CCDC63: variants seen among roughly 807,000 people sequenced by gnomAD.
CCDC63 encodes coiled-coil domain containing 63.
In CCDC63, 54 loss-of-function variants were observed where a neutral mutation model predicts 63.6. That is an observed-to-expected ratio of 0.85 (90% CI 0.68 to 1.07). CCDC63 has a LOEUF of 1.07. Among genes scored for constraint, CCDC63 ranks in the 50% least tolerant of loss-of-function variants. The pLI is 0.00. For missense variants in CCDC63, 637 were observed against 689.6 expected, an observed-to-expected ratio of 0.92 and a Z score of 0.86; for synonymous variants, 253 against 266.1, an observed-to-expected ratio of 0.95 and a Z score of 0.48.
chr12:110,864,146 A>G (rs1026426853), intron 4 of CCDC63, among the ~76,000 whole-genome samples: 4 of 152,268 alleles, frequency 2.6e-5, no homozygotes, highest in African/African-American at 9.6e-5. Flanking sequence ...CTTTGAGTAG[A>G]CCAGGGGTAG....
intron 4 of CCDC63, 133 bp downstream of exon 4, chr12:110,858,908 G>A (rs997764872): frequency 1.4e-6 from 1 of 695,064 alleles, no homozygotes; most frequent in Non-Finnish European, 2.4e-6. Context: ...CCCGCTAAAT[G>A]TGACTGCTGC....
intron 10 of CCDC63, among the ~76,000 whole-genome samples, chr12:110,903,466 T>C (rs552985778): frequency 2.5e-4 from 38 of 152,386 alleles, no homozygotes; most frequent in African/African-American, 9.1e-4. Context: ...ATTGTTGAAC[T>C]TGGCTTTCTT....
intron 8 of CCDC63, among the ~76,000 whole-genome samples, chr12:110,887,751 A>C (rs2071303301): frequency 6.6e-6 from 1 of 151,852 alleles, no homozygotes; most frequent in South Asian, 2.1e-4. Flanking sequence ...GGCGCGCGCC[A>C]CCACGCCCAG....
chr12:110,905,606 A>G (rs1253112995), intron 11 of CCDC63, among the ~76,000 whole-genome samples: 3 of 151,802 alleles, frequency 2.0e-5, no homozygotes, highest in Non-Finnish European at 4.4e-5. Context: ...GGTCCAGCTC[A>G]TCCACCCATG....
chr12:110,894,594 C>A (rs1223340951), intron 9 of CCDC63, among the ~76,000 whole-genome samples: 1 of 152,136 alleles, frequency 6.6e-6, no homozygotes, highest in African/African-American at 2.4e-5. Flanking sequence ...GTGCTCAGAG[C>A]GGCATCTCCC....
At chr12:110,881,089 T>A in intron 6 of CCDC63, 26 bp from the exon 7 acceptor site, 1 of 1,572,098 alleles carries the variant, frequency 6.4e-7, no homozygotes, top group Non-Finnish European at 8.6e-7. Context: ...CCTCAGATGC[T>A]CAGGCTCTGT....
intron 4 of CCDC63, among the ~76,000 whole-genome samples, chr12:110,862,373 C>A (rs2070866452): frequency 2.0e-5 from 3 of 152,196 alleles, no homozygotes; most frequent in African/African-American, 7.2e-5. Context: ...GAGGTGGGGA[C>A]CTCCCCAGGC....
intron 8 of CCDC63, among the ~76,000 whole-genome samples, chr12:110,890,634 C>CAG (rs930177968): frequency 1.5e-5 from 2 of 134,898 alleles, no homozygotes; most frequent in African/African-American, 5.3e-5. Flanking sequence ...CATAGACAGA[C>CAG]ACACACACAC....
At chr12:110,890,834 T>C (rs76408810) in intron 8 of CCDC63, among the ~76,000 whole-genome samples, 5,141 of 144,454 alleles carry the variant, frequency 0.036, 316 homozygotes, top group African/African-American at 0.13. Context: ...TGGAGTGCAG[T>C]GGCGGGATCT....
intron 6 of CCDC63, among the ~76,000 whole-genome samples, chr12:110,880,900 T>A (rs2071198397): frequency 6.6e-6 from 1 of 151,548 alleles, no homozygotes; most frequent in Admixed American, 6.6e-5. Flanking sequence ...AAGGCAATGA[T>A]GATGATAATG....
intron 5 of CCDC63, among the ~76,000 whole-genome samples, chr12:110,877,694 G>A (rs1429470907): frequency 6.8e-6 from 1 of 147,916 alleles, no homozygotes; most frequent in Non-Finnish European, 1.5e-5. Flanking sequence ...CTGTATATTT[G>A]ACTTTCTTTC....
intron 10 of CCDC63, among the ~76,000 whole-genome samples, chr12:110,901,453 C>G (rs111291825): frequency 2.6e-5 from 4 of 151,932 alleles, no homozygotes; most frequent in African/African-American, 7.3e-5. Context: ...GCCTCGAACC[C>G]CTGTACTCAA....
At position 110,849,402 on chromosome 12, in the gene CCDC63, A is replaced by C. The variant is rs185428582; in HGVS notation, c.-97+2297A>C. Among the ~76,000 whole-genome samples the C allele has an allele frequency of 2.2e-4, 33 of 151,708 alleles. 1 individual carries two copies. The highest frequency in any genetic ancestry group is 7.3e-4 in the African/African-American group (30 of 41,326). On this transcript the variant is annotated intron_variant, in intron 1 of 11. Coordinates refer to ENST00000308208, the MANE Select transcript of CCDC63 (RefSeq NM_152591.3). The stretch of plus-strand genomic sequence containing the variant: ...AGGTGTGACGGTGATATTTCTCTTC[A>C]TGGTCATGGGAGGGTTGCCACTGAA...
intron 4 of CCDC63, among the ~76,000 whole-genome samples, chr12:110,865,796 T>G (rs2070939580): frequency 6.6e-6 from 1 of 152,230 alleles, no homozygotes; most frequent in African/African-American, 2.4e-5. Context: ...GGGAAAGTCT[T>G]GCTTTCCAGA....
chr12:110,879,333 A>C (rs758350224), intron 5 of CCDC63, among the ~76,000 whole-genome samples: 5 of 152,216 alleles, frequency 3.3e-5, no homozygotes, highest in Non-Finnish European at 7.3e-5. Flanking sequence ...TGTCCCCAAA[A>C]GGAGACACTG....
chr12:110,893,073 C>T lies in CCDC63; in HGVS notation c.1075-3C>T, dbSNP rs760842924. 1.9e-6 allele frequency: 3 copies of T among 1,613,682 alleles called. No individual in the cohort carries two copies. The highest frequency in any genetic ancestry group is 2.5e-6 in the Non-Finnish European group (3 of 1,179,686). ...CCTCATGGTCTTGTTCTCTCCCGAG[C>T]AGGACGAGATCATCCTCTTGCGATC... On this transcript the variant is annotated splice_region_variant and splice_polypyrimidine_tract_variant and intron_variant, in intron 8 of 11. Coordinates refer to ENST00000308208, the MANE Select transcript of CCDC63 (RefSeq NM_152591.3).
intron 5 of CCDC63, among the ~76,000 whole-genome samples, chr12:110,877,615 C>T (rs2071147198): frequency 6.6e-6 from 1 of 151,996 alleles, no homozygotes; most frequent in Non-Finnish European, 1.5e-5. Flanking sequence ...TATCCTCTGA[C>T]CTCCATCTCC....
At chr12:110,890,146 A>G (rs955084593) in intron 8 of CCDC63, among the ~76,000 whole-genome samples, 7 of 152,054 alleles carry the variant, frequency 4.6e-5, no homozygotes, top group African/African-American at 1.4e-4. Context: ...TACAAGACAC[A>G]AAAAGAAATT....
intron 5 of CCDC63, among the ~76,000 whole-genome samples, chr12:110,879,292 A>G (rs548517633): frequency 4.9e-4 from 75 of 152,328 alleles, no homozygotes; most frequent in African/African-American, 1.6e-3. Flanking sequence ...GTGGCTCTCA[A>G]TTGAGGGTGA....
Sources: allele counts gnomAD v4.1 joint callset (sites outside exome capture counted in the v4.1 genomes callset), GRCh38; gene constraint gnomAD v4.1.1; transcripts MANE v1.5; gene names NCBI Gene and HGNC (gene_info 2026-07-23, HGNC 2026-07-21).